Variants in KCNQ3 observed in about 807,000 individuals in gnomAD.
The protein encoded by KCNQ3 is potassium voltage-gated channel subfamily KQT member 3.
Under a neutral mutation model 92.5 loss-of-function variants are expected in KCNQ3, and 30 were observed. The observed-to-expected ratio is 0.32, with a 90% CI of 0.24 to 0.44. The LOEUF (loss-of-function observed/expected upper bound fraction) is 0.44, where lower values mean the gene tolerates loss of function less well. KCNQ3 is among the 20% of genes least tolerant of loss of function. The pLI is 1.00. For missense variants in KCNQ3, 913 were observed against 1,140.3 expected, an observed-to-expected ratio of 0.80 and a Z score of 2.87; for synonymous variants, 450 against 468.8, an observed-to-expected ratio of 0.96 and a Z score of 0.52.
At chr8:132,360,059 C>A (rs1308082735) in intron 1 of KCNQ3, among the ~76,000 whole-genome samples, 1 of 152,224 alleles carries the variant, frequency 6.6e-6, no homozygotes, top group Non-Finnish European at 1.5e-5. Context: ...TACAACTATC[C>A]AATATGGCCT....
At chr8:132,395,647 T>C (rs898334127) in intron 1 of KCNQ3, among the ~76,000 whole-genome samples, 2 of 152,254 alleles carry the variant, frequency 1.3e-5, no homozygotes, top group African/African-American at 4.8e-5. Context: ...CAGCATCTCC[T>C]ACTAAAGAGA....
intron 1 of KCNQ3, among the ~76,000 whole-genome samples, chr8:132,194,143 T>C (rs1482606604): frequency 6.6e-6 from 1 of 152,216 alleles, no homozygotes; most frequent in Non-Finnish European, 1.5e-5. Context: ...CTTGTCTGTC[T>C]GCCATTGAAT....
At chr8:132,209,141 A>G (rs1390852813) in intron 1 of KCNQ3, among the ~76,000 whole-genome samples, 2 of 152,142 alleles carry the variant, frequency 1.3e-5, no homozygotes, top group Non-Finnish European at 2.9e-5. Flanking sequence ...TTGGGCTTCT[A>G]GACACACTGG....
At chr8:132,393,216 A>G (rs1278232682) in intron 1 of KCNQ3, among the ~76,000 whole-genome samples, 3 of 152,214 alleles carry the variant, frequency 2.0e-5, no homozygotes, top group Admixed American at 2.0e-4. Flanking sequence ...ACTCCCCTGC[A>G]TCACTTTATT....
chr8:132,162,179 A>G (rs1016223245), intron 9 of KCNQ3, among the ~76,000 whole-genome samples: 2 of 152,230 alleles, frequency 1.3e-5, no homozygotes, highest in Non-Finnish European at 2.9e-5. Flanking sequence ...AAATGCATCT[A>G]TCTGAGCCCT....
chr8:132,195,045 A>G (rs1400691400), intron 1 of KCNQ3, among the ~76,000 whole-genome samples: 4 of 152,172 alleles, frequency 2.6e-5, no homozygotes, highest in African/African-American at 9.7e-5. Context: ...ATCAGGGCAA[A>G]AGGCTAAATA....
chr8:132,380,318 T>C (rs1259446974), intron 1 of KCNQ3, among the ~76,000 whole-genome samples: 1 of 152,170 alleles, frequency 6.6e-6, no homozygotes. Flanking sequence ...ACATAGCCCC[T>C]TCCAACCTCA....
intron 1 of KCNQ3, among the ~76,000 whole-genome samples, chr8:132,332,483 A>T (rs930069877): frequency 6.6e-6 from 1 of 152,250 alleles, no homozygotes; most frequent in Non-Finnish European, 1.5e-5. Flanking sequence ...TCTATCTTCC[A>T]GGAACACACA....
intron 1 of KCNQ3, among the ~76,000 whole-genome samples, chr8:132,383,186 C>T (rs1819798283): frequency 6.6e-6 from 1 of 152,212 alleles, no homozygotes. Context: ...CAAGTGCTCA[C>T]CCACCCCAAT....
intron 1 of KCNQ3, among the ~76,000 whole-genome samples, chr8:132,376,675 T>A (rs1247890273): frequency 6.6e-6 from 1 of 152,226 alleles, no homozygotes; most frequent in Non-Finnish European, 1.5e-5. Flanking sequence ...TAACTCACAT[T>A]TGCATATCTT....
intron 1 of KCNQ3, among the ~76,000 whole-genome samples, chr8:132,396,281 T>C (rs1476114547): frequency 6.6e-6 from 1 of 152,052 alleles, no homozygotes; most frequent in African/African-American, 2.4e-5. Context: ...ATCAATTCTC[T>C]AACCACTACG....
intron 1 of KCNQ3, among the ~76,000 whole-genome samples, chr8:132,419,565 C>A (rs530323511): frequency 5.5e-4 from 84 of 152,284 alleles, no homozygotes; most frequent in African/African-American, 1.9e-3. Context: ...AGAGAAAAGA[C>A]AATGGACAGC....
chr8:132,403,252 A>AAG (rs58900420), intron 1 of KCNQ3, among the ~76,000 whole-genome samples: 151,983 of 152,016 alleles, frequency 1, 75,975 homozygotes, highest in Middle Eastern at 1. Context: ...CTTGTCTCAA[A>AAG]AGAGCCATGA....
chr8:132,407,366 G>C (rs1241804595), intron 1 of KCNQ3, among the ~76,000 whole-genome samples: 1 of 152,202 alleles, frequency 6.6e-6, no homozygotes, highest in Non-Finnish European at 1.5e-5. Flanking sequence ...CCAAAACAAA[G>C]TGATTGATTT....
At chr8:132,409,463 A>ACT in intron 1 of KCNQ3, among the ~76,000 whole-genome samples, 1 of 151,350 alleles carries the variant, frequency 6.6e-6, no homozygotes, top group East Asian at 1.9e-4. Flanking sequence ...TCTCCTGTAA[A>ACT]AAAAAAAAAA....
At chr8:132,135,418 C>A (rs547954153) in intron 12 of KCNQ3, among the ~76,000 whole-genome samples, 3 of 152,088 alleles carry the variant, frequency 2.0e-5, no homozygotes, top group African/African-American at 7.2e-5. Context: ...GACTATGCAC[C>A]CTGAAACAGT....
intron 1 of KCNQ3, among the ~76,000 whole-genome samples, chr8:132,222,390 T>C (rs1157589268): frequency 1.3e-5 from 2 of 152,336 alleles, no homozygotes; most frequent in African/African-American, 4.8e-5. Context: ...AAATATTCCT[T>C]GAGTGAGTGC....
At chr8:132,380,862 C>G (rs574049283) in intron 1 of KCNQ3, among the ~76,000 whole-genome samples, 1 of 149,900 alleles carries the variant, frequency 6.7e-6, no homozygotes, top group Non-Finnish European at 1.5e-5. Context: ...CAGCTCATCA[C>G]GACCCTATGG....
At chr8:132,306,936 C>G (rs867416865) in intron 1 of KCNQ3, among the ~76,000 whole-genome samples, 1 of 152,130 alleles carries the variant, frequency 6.6e-6, no homozygotes, top group African/African-American at 2.4e-5. Context: ...CAGACCAAGA[C>G]AGAATACAAA....
Sources: allele counts gnomAD v4.1 joint callset (sites outside exome capture counted in the v4.1 genomes callset), GRCh38; gene constraint gnomAD v4.1.1; transcripts MANE v1.5; gene names NCBI Gene and HGNC (gene_info 2026-07-23, HGNC 2026-07-21).